Variants in PPIH observed in about 807,000 individuals in gnomAD.
The protein encoded by PPIH is peptidylprolyl isomerase H.
Under a neutral mutation model 27.6 loss-of-function variants are expected in PPIH, and 16 were observed. The ratio of observed to expected loss-of-function variants is 0.58; its 90% confidence interval spans 0.39 to 0.88. The LOEUF is 0.88. Among genes scored for constraint, PPIH ranks in the 40% least tolerant of loss-of-function variants. The pLI, the probability that PPIH is intolerant of heterozygous loss-of-function variation, is 0.00. For missense variants in PPIH, 155 were observed against 224.1 expected (o/e 0.69, Z 1.97); for synonymous variants, 63 against 76.1 (o/e 0.83, Z 0.90).
downstream of PPIH, among the ~76,000 whole-genome samples, chr1:42,677,426 C>T (rs544500323): frequency 5.3e-5 from 8 of 152,240 alleles, no homozygotes; most frequent in South Asian, 6.2e-4. Flanking sequence ...GAGCCGAGAT[C>T]GCGCCACTGC....
Position 42,658,423 on chromosome 1 carries a change from G to A in PPIH, c.-24G>A, listed in dbSNP as rs2148706584. The A allele has an allele frequency of 1.2e-6, 2 of 1,608,322 alleles. No individual in the cohort carries two copies. Among genetic ancestry groups the A allele is most frequent in the Non-Finnish European group, 1.7e-6 (2 of 1,174,746 alleles). ...AGGTTCGCCGGAATCCCACGCTCCC[G>A]ACTTCTGCTTCCGGGTCGGAGCCAT... On this transcript the variant is annotated 5_prime_UTR_variant, in exon 1 of 10. Coordinates refer to ENST00000304979, the MANE Select transcript of PPIH (RefSeq NM_006347.4).
intron 3 of PPIH, 83 bp from the exon 4 acceptor site, chr1:42,659,439 T>C (rs781688897): frequency 3.7e-6 from 6 of 1,613,974 alleles, no homozygotes; most frequent in Non-Finnish European, 5.1e-6. Flanking sequence ...TTTAGGAGAG[T>C]CCTTTTGGCT....
intron 4 of PPIH, among the ~76,000 whole-genome samples, 181 bp from the exon 5 acceptor site, chr1:42,660,681 C>T (rs950931887): frequency 1.3e-5 from 2 of 152,196 alleles, no homozygotes; most frequent in Admixed American, 1.3e-4. Context: ...CTGCCTGCCT[C>T]GGCCTCCCAA....
At chr1:42,679,513 A>T (rs1005694073), downstream of PPIH, among the ~76,000 whole-genome samples, 1 of 152,238 alleles carries the variant, frequency 6.6e-6, no homozygotes, top group East Asian at 1.9e-4. Context: ...GCTTATCCTC[A>T]GGCTCACTGA....
At chr1:42,659,355 G>A in intron 3 of PPIH, 104 bp downstream of exon 3, 2 of 1,614,170 alleles carry the variant, frequency 1.2e-6, no homozygotes, top group Non-Finnish European at 1.7e-6. Flanking sequence ...ATGATTGCTG[G>A]TGACAGTGAT....
intron 7 of PPIH, 97 bp downstream of exon 7, chr1:42,666,164 C>G: frequency 8.8e-7 from 1 of 1,135,718 alleles, no homozygotes; most frequent in Non-Finnish European, 1.3e-6. Flanking sequence ...AAAGCTCAAC[C>G]TGTGTAACTG....
At chr1:42,659,812 C>G (rs570470708) in intron 4 of PPIH, among the ~76,000 whole-genome samples, 73 of 152,236 alleles carry the variant, frequency 4.8e-4, no homozygotes, top group Admixed American at 1.6e-3. Context: ...CTTGTTTGTG[C>G]GAATGCAGAT....
In PPIH at chr1:42,662,095, G is replaced by A. The variant is rs1649061559; in HGVS notation, c.243+1191G>A. Among the ~76,000 whole-genome samples, 3 of 152,338 alleles carry A rather than the reference G, an allele frequency of 2.0e-5. No homozygotes were observed. The South Asian group carries it at 6.2e-4, about 32-fold the overall frequency. ...GGTTTGTTAGCTGGTAAGAAGGGCT[G>A]AGAAGCTATCCTCTGCCTTCTTTCC... On this transcript the variant is annotated intron_variant, in intron 5 of 9. Coordinates refer to ENST00000304979, the MANE Select transcript of PPIH (RefSeq NM_006347.4).
chr1:42,659,477 T>C (rs1186146100), intron 3 of PPIH, 45 bp from the exon 4 acceptor site: 1 of 1,614,226 alleles, frequency 6.2e-7, no homozygotes, highest in South Asian at 1.1e-5. Flanking sequence ...GGAAAGGCCT[T>C]GTGCTACCTG....
chr1:42,658,967 C>G, intron 2 of PPIH, 59 bp downstream of exon 2: 2 of 1,566,964 alleles, frequency 1.3e-6, no homozygotes, highest in East Asian at 2.2e-5. Flanking sequence ...CTCCAGTCAG[C>G]CGCCTGAAAT....
At chr1:42,658,934 G>A in intron 2 of PPIH, 26 bp downstream of exon 2, 2 of 1,611,742 alleles carry the variant, frequency 1.2e-6, no homozygotes, top group Non-Finnish European at 8.5e-7. Flanking sequence ...AGCTCCGCTG[G>A]ATTAGCTGAG....
chr1:42,670,909 C>T (rs990198857), intron 9 of PPIH, among the ~76,000 whole-genome samples: 2 of 152,198 alleles, frequency 1.3e-5, no homozygotes, highest in African/African-American at 4.8e-5. Context: ...AATTCTCCTG[C>T]CTCAGCCTCC....
chr1:42,680,850 C>G (rs1649998271), downstream of PPIH, among the ~76,000 whole-genome samples: 1 of 152,136 alleles, frequency 6.6e-6, no homozygotes, highest in Non-Finnish European at 1.5e-5. Flanking sequence ...ATATGGTCGG[C>G]CAAGCTTATA....
chr1:42,659,265 G>C lies in PPIH; in HGVS notation c.155+14G>C. The stretch of plus-strand genomic sequence containing the variant: ...CGGAGAATTCAGGTCAGTTTCAGAT[G>C]TGTTTGACTTCTTTGCCTGCTCCAG... On this transcript the variant is annotated intron_variant, in intron 3 of 9. Transcript: ENST00000304979. 1.2e-6 allele frequency: 2 copies of C among 1,614,192 alleles called. No individual in the cohort carries two copies.
chr1:42,661,782 G>A (rs565711802), intron 5 of PPIH, among the ~76,000 whole-genome samples: 2 of 151,972 alleles, frequency 1.3e-5, no homozygotes, highest in Non-Finnish European at 2.9e-5. Context: ...GCCGAATTAC[G>A]TTTTTACCTA....
At chr1:42,669,224 C>T (rs186029822) in intron 9 of PPIH, among the ~76,000 whole-genome samples, 28 of 151,226 alleles carry the variant, frequency 1.9e-4, no homozygotes, top group Admixed American at 1.6e-3. Context: ...AAAGAAAAAC[C>T]GAAACTGCAG....
chr1:42,666,149 C>A, intron 7 of PPIH, 82 bp downstream of exon 7: 1 of 1,338,110 alleles, frequency 7.5e-7, no homozygotes, highest in South Asian at 1.2e-5. Flanking sequence ...CAAACTCTTA[C>A]CAAGAAAGCT....
At chr1:42,658,957 C>A (rs758218181) in intron 2 of PPIH, 49 bp downstream of exon 2, 2 of 1,587,168 alleles carry the variant, frequency 1.3e-6, no homozygotes, top group African/African-American at 2.7e-5. Flanking sequence ...AGAAGTCGGG[C>A]TCCAGTCAGC....
chr1:42,677,428 C>T (rs563778839), downstream of PPIH, among the ~76,000 whole-genome samples: 2 of 152,196 alleles, frequency 1.3e-5, no homozygotes, highest in African/African-American at 4.8e-5. Flanking sequence ...GCCGAGATCG[C>T]GCCACTGCAC....
Sources: allele counts gnomAD v4.1 joint callset (sites outside exome capture counted in the v4.1 genomes callset), GRCh38; gene constraint gnomAD v4.1.1; transcripts MANE v1.5; gene names NCBI Gene and HGNC (gene_info 2026-07-23, HGNC 2026-07-21).